The following MYO1G variants were observed in gnomAD, a reference collection of about 807,000 sequenced individuals.
MYO1G encodes unconventional myosin-Ig.
MYO1G carries 65 observed loss-of-function variants against 115.3 expected under a neutral mutation model. That is an observed-to-expected ratio of 0.56 (90% CI 0.46 to 0.69). The LOEUF (loss-of-function observed/expected upper bound fraction) is 0.69, where lower values mean the gene tolerates loss of function less well. Ranked by LOEUF, MYO1G falls within the 30% of genes least tolerant of loss-of-function variation. The probability of loss-of-function intolerance (pLI) is 0.00; values close to 1 mark genes in which losing one functional copy is unlikely to be tolerated. For synonymous variants in MYO1G, 510 were observed against 552.6 expected, an observed-to-expected ratio of 0.92 and a Z score of 1.08; for missense variants, 1,204 against 1,393.5, an observed-to-expected ratio of 0.86 and a Z score of 2.16.
Position 44,969,968 on chromosome 7 carries a change from C to T in MYO1G, c.1332+72G>A, listed in dbSNP as rs1292565322. ...CACTCAGCCACCTGTCAGGCCAGCC[C>T]GGGCCCCTCCCCATGGGCTGAGGCC... On this transcript the variant is annotated intron_variant, in intron 10 of 21. Coordinates refer to ENST00000258787, the MANE Select transcript of MYO1G (RefSeq NM_033054.3). This position sits in a 1 kb window ranked among gnomAD's most constrained non-coding sequence, Gnocchi z 5.0. The T allele has an allele frequency of 1.9e-5, 30 of 1,593,044 alleles. No individual in the cohort carries two copies. The highest frequency in any genetic ancestry group is 1.7e-4 in the Middle Eastern group (1 of 5,968).
In MYO1G at chr7:44,969,735, G is replaced by T; in HGVS notation, c.1473C>A (p.His491Gln). 1 of 1,611,964 alleles carries T rather than the reference G, an allele frequency of 6.2e-7. No homozygotes were observed. The highest frequency in any genetic ancestry group is 8.5e-7 in the Non-Finnish European group (1 of 1,179,950). Residue 491 changes from histidine (H) to glutamine (Q), a missense_variant, in exon 11 of 22, where the codon CAC (histidine) becomes CAA (glutamine). By Grantham distance (24) the His-to-Gln change is conservative. Coordinates refer to ENST00000258787, the MANE Select transcript of MYO1G (RefSeq NM_033054.3). This position sits in a 1 kb window ranked among gnomAD's most constrained non-coding sequence, Gnocchi z 5.0. ...RIFLQTLDMH[H>Q]RHHLHYTSRQ... is the part of the protein sequence containing the mutation. ...GGCTGGTGTAGTGTAGGTGATGGCGGTGGTGCATGTCCAGGGTCTGCAGGA... is the reference window on the plus strand; with the variant it reads ...GGCTGGTGTAGTGTAGGTGATGGCGTTGGTGCATGTCCAGGGTCTGCAGGA...
chr7:44,971,669 T>A lies in MYO1G; in HGVS notation c.846+4A>T, dbSNP rs1363266072. 6.4e-7 allele frequency: 1 copy of A among 1,555,532 alleles called. No individual in the cohort carries two copies. On this transcript the variant is annotated splice_donor_region_variant and intron_variant, in intron 7 of 21. Coordinates refer to ENST00000258787, the MANE Select transcript of MYO1G (RefSeq NM_033054.3). ...GCCCTCCCAGGCTTCTGAGCCAGGC[T>A]CACCAGGTGCAATATGGCAGCCAGG... is the stretch of plus-strand genomic sequence containing the variant.
intron 5 of MYO1G, chr7:44,974,406 CCAGGGAGAAACTG>C (rs1795011680): frequency 6.6e-6 from 1 of 151,922 alleles, no homozygotes; most frequent in Non-Finnish European, 1.5e-5. Flanking sequence ...CGCCTGTGTA[CCAGGGAGAAACTG>C]CTGTGTTCCA....
Position 44,969,542 on chromosome 7 carries a change from A to C in MYO1G, c.1504-59T>G, listed in dbSNP as rs1422214895. ...GTATGTGGAGGGTCTGTATGAAGGG[A>C]TAGCCCTGCCTCCCCACCTCCAGGG... is the stretch of plus-strand genomic sequence containing the variant. On this transcript the variant is annotated intron_variant, in intron 11 of 21. Coordinates refer to ENST00000258787, the MANE Select transcript of MYO1G (RefSeq NM_033054.3). This position sits in a 1 kb window ranked among gnomAD's most constrained non-coding sequence, Gnocchi z 5.0. The C allele has an allele frequency of 8.2e-6, 13 of 1,594,656 alleles. No homozygotes were observed. The East Asian group carries it at 2.9e-4, about 36-fold the overall frequency.
rs761609063 is a variant in MYO1G, at chr7:44,964,973, C to T, written c.2498G>A (p.Arg833Gln). The T allele has an allele frequency of 1.4e-5, 22 of 1,603,098 alleles. No individual in the cohort carries two copies. Among genetic ancestry groups the T allele is most frequent in the Admixed American group, 1.7e-5 (1 of 59,800 alleles). The change falls in exon 18 of 22, where the codon CGG (arginine) becomes CAG (glutamine). Residue 833 changes from arginine to glutamine, a missense_variant. Transcript: ENST00000258787. This position sits in a 1 kb window ranked among gnomAD's most constrained non-coding sequence, Gnocchi z 5.1. ...GGACAGGTAGTCTCGGGCCCAGGCC[C>T]GTCGGCAGCCCCAGTCCTGACGAAG... ...QGLRQDWGCRRAWARDYLSSA... is the reference protein window; with the variant it reads ...QGLRQDWGCRQAWARDYLSSA...
At chr7:44,974,745 G>T (rs1795016360) in intron 5 of MYO1G, 1 of 204,294 alleles carries the variant, frequency 4.9e-6, no homozygotes, top group Admixed American at 5.0e-5. Context: ...AGCTTGTGGA[G>T]ACAGTCCCTG....
chr7:44,967,093 C>T (rs961029891), intron 14 of MYO1G, among the ~76,000 whole-genome samples: 7 of 152,284 alleles, frequency 4.6e-5, no homozygotes, highest in Non-Finnish European at 7.4e-5. Flanking sequence ...GAGCAGGCCT[C>T]GCCCCATCTG....
rs1405572285 is a variant in MYO1G, at chr7:44,976,743, G to T, written c.305-86C>A. 5 of 1,579,030 alleles carry T rather than the reference G, an allele frequency of 3.2e-6. No individual in the cohort carries two copies. In the Admixed American group the frequency reaches 8.4e-5, roughly 27 times the overall value. On this transcript the variant is annotated intron_variant, in intron 2 of 21. Coordinates refer to ENST00000258787, the MANE Select transcript of MYO1G (RefSeq NM_033054.3). The stretch of plus-strand genomic sequence containing the variant: ...GTGCCCACTCACACCCCCAAGACTG[G>T]CAAGATGGGGTCCTAGGGCCCCCAT...
chr7:44,964,258 C>A lies in MYO1G; in HGVS notation c.2632-96G>T, dbSNP rs73694236. ...CCCTACTGCCTCCCCTCCCCGCTGGCGACAGTTTTGGGAGTGTCAGGAGCA... is the reference window on the plus strand; with the variant it reads ...CCCTACTGCCTCCCCTCCCCGCTGGAGACAGTTTTGGGAGTGTCAGGAGCA... On this transcript the variant is annotated intron_variant, in intron 19 of 21. Coordinates refer to ENST00000258787, the MANE Select transcript of MYO1G (RefSeq NM_033054.3). The surrounding 1 kb of genome is among the most constrained non-coding windows in gnomAD (Gnocchi z 5.1). The A allele has an allele frequency of 1.5e-5, 20 of 1,334,538 alleles. No individual in the cohort carries two copies. The highest frequency in any genetic ancestry group is 1.8e-5 in the Non-Finnish European group (17 of 948,080). The allele number at this position is 1,334,538 out of a possible 1,614,324, so 82.7% of individuals were successfully genotyped here.
chr7:44,976,429 T>C, intron 3 of MYO1G, 135 bp downstream of exon 3: 1 of 809,142 alleles, frequency 1.2e-6, no homozygotes, highest in Non-Finnish European at 2.0e-6. Flanking sequence ...ATCTGGAAAC[T>C]TCCCAAGTTC....
chr7:44,978,941 A>G lies in MYO1G; in HGVS notation c.21T>C (p.Pro7=). Residue 7 remains proline, a synonymous_variant, in exon 1 of 22, where the codon CCT becomes CCC. Transcript: ENST00000258787. MEDEEG[P]EYGKPDFVLL... ...GCACAAAGTCAGGTTTGCCATACTCAGGGCCTTCCTCGTCCTCCATCCTGC... is the reference window on the plus strand; with the variant it reads ...GCACAAAGTCAGGTTTGCCATACTCGGGGCCTTCCTCGTCCTCCATCCTGC... 1 of 1,614,114 alleles carries G rather than the reference A, an allele frequency of 6.2e-7. No individual in the cohort carries two copies. The highest frequency in any genetic ancestry group is 8.5e-7 in the Non-Finnish European group (1 of 1,179,976).
At chr7:44,974,486 AG>A (rs2128702762) in intron 5 of MYO1G, 1 of 153,404 alleles carries the variant, frequency 6.5e-6, no homozygotes, top group East Asian at 1.9e-4. Context: ...TCTGTGCTGC[AG>A]GGAACTCCTA....
Position 44,963,497 on chromosome 7 carries a change from G to A in MYO1G, c.2746-373C>T, listed in dbSNP as rs966296323. On this transcript the variant is annotated intron_variant, in intron 20 of 21. Transcript: ENST00000258787. This position sits in a 1 kb window ranked among gnomAD's most constrained non-coding sequence, Gnocchi z 4.1. ...ACAACCACGCCGGCTTTGGGCTGTG[G>A]CATTACACAGCAAGGCACTCACCGC... The A allele has an allele frequency of 1.0e-4, 26 of 250,248 alleles. No individual in the cohort carries two copies. Among genetic ancestry groups the A allele is most frequent in the African/African-American group, 9.1e-5 (4 of 44,150 alleles). 15.5% of individuals were successfully genotyped at this position (250,248 alleles called of 1,614,324 possible).
At position 44,966,290 on chromosome 7, in the gene MYO1G, C is replaced by T; in HGVS notation, c.1950-10G>A. ...ACAGGTCATCTTGTACCTGTCACCA[C>T]AGGACAGGGCAGTGTGGCCCAGGCC... On this transcript the variant is annotated splice_polypyrimidine_tract_variant and intron_variant, in intron 15 of 21. Coordinates refer to ENST00000258787, the MANE Select transcript of MYO1G (RefSeq NM_033054.3). This position sits in a 1 kb window ranked among gnomAD's most constrained non-coding sequence, Gnocchi z 5.0. 4 of 1,588,346 alleles carry T rather than the reference C, an allele frequency of 2.5e-6. No individual in the cohort carries two copies. The highest frequency in any genetic ancestry group is 3.4e-6 in the Non-Finnish European group (4 of 1,166,782).
chr7:44,965,999 G>T, intron 16 of MYO1G, 74 bp downstream of exon 16: 10 of 1,572,900 alleles, frequency 6.4e-6, no homozygotes, highest in Non-Finnish European at 7.8e-6. Context: ...AAACTTACAA[G>T]TGTGTTTGTG....
rs1324478379 is a variant in MYO1G, at chr7:44,966,327, T to A, written c.1950-47A>T. On this transcript the variant is annotated intron_variant, in intron 15 of 21. Transcript: ENST00000258787. This position sits in a 1 kb window ranked among gnomAD's most constrained non-coding sequence, Gnocchi z 5.0. ...GTGTGGCCCAGGCCTGGGGGAGAGA[T>A]GATGGAGCCCACCCTGCCCACCCCA... 3 of 1,517,670 alleles carry A rather than the reference T, an allele frequency of 2.0e-6. No individual in the cohort carries two copies. The highest frequency in any genetic ancestry group is 4.9e-5 in the East Asian group (2 of 41,148). The allele number at this position is 1,517,670 out of a possible 1,614,324, so 94.0% of individuals were successfully genotyped here.
Position 44,978,962 on chromosome 7 carries a change from C to G in MYO1G, c.-1G>C. The G allele has an allele frequency of 6.2e-7, 1 of 1,614,146 alleles. No individual in the cohort carries two copies. The highest frequency in any genetic ancestry group is 8.5e-7 in the Non-Finnish European group (1 of 1,179,972). ...ACTCAGGGCCTTCCTCGTCCTCCAT[C>G]CTGCCGGCTGGAAACACCTTGCCTC... On this transcript the variant is annotated 5_prime_UTR_variant, in exon 1 of 22. Coordinates refer to ENST00000258787, the MANE Select transcript of MYO1G (RefSeq NM_033054.3).
chr7:44,970,702 G>C lies in MYO1G; in HGVS notation c.1107C>G (p.Asn369Lys), dbSNP rs780291110. 5.0e-6 allele frequency: 8 copies of C among 1,613,958 alleles called. No individual in the cohort carries two copies. The highest frequency in any genetic ancestry group is 5.9e-6 in the Non-Finnish European group (7 of 1,180,024). Reference protein sequence around the residue: ...VYQRLFEWVVNRINSVMEPRG... With the variant: ...VYQRLFEWVVKRINSVMEPRG... ...GGGGTTCCATGACACTGTTGATCCT[G>C]TTCACCACCCACTCAAACAGCCGCT... is the stretch of plus-strand genomic sequence containing the variant. The change falls in exon 9 of 22, where the codon AAC becomes AAG. Residue 369 changes from asparagine (N) to lysine (K), a missense_variant. Physicochemically the swap from Asn to Lys is moderately conservative, Grantham distance 94. Coordinates refer to ENST00000258787, the MANE Select transcript of MYO1G (RefSeq NM_033054.3).
chr7:44,965,197 T>A, intron 17 of MYO1G, 108 bp from the exon 18 acceptor site: 1 of 1,468,632 alleles, frequency 6.8e-7, no homozygotes, highest in Non-Finnish European at 9.2e-7. Context: ...TGCCTGCCTT[T>A]CATGTCCCAA....
Sources: gnomAD v4.1 joint callset for allele counts (sites outside exome capture counted in the v4.1 genomes callset) on GRCh38, gnomAD v4.1.1 for gene constraint, Gnocchi (gnomAD v3.1) non-coding constraint, MANE v1.5 for transcripts, NCBI Gene and HGNC (gene_info 2026-07-23, HGNC 2026-07-21) for gene names.